Variants in ERLEC1 observed in about 807,000 individuals in gnomAD.
ERLEC1 encodes the protein ER lectin.
A neutral mutation model predicts 68.0 loss-of-function variants in ERLEC1; 47 were observed. The ratio of observed to expected loss-of-function variants is 0.69; its 90% CI spans 0.55 to 0.88. The LOEUF (loss-of-function observed/expected upper bound fraction) is 0.88, where lower values mean the gene tolerates loss of function less well. Among genes scored for constraint, ERLEC1 ranks in the 40% least tolerant of loss-of-function variants. ERLEC1 has a pLI of 0.00. For synonymous variants in ERLEC1, 225 were observed against 203.2 expected (o/e 1.11, Z -0.91); for missense variants, 567 against 583.8 (o/e 0.97, Z 0.30).
chr2:53,803,262 G>A (rs1247437577), intron 8 of ERLEC1, among the ~76,000 whole-genome samples: 1 of 152,252 alleles, frequency 6.6e-6, no homozygotes, highest in East Asian at 1.9e-4. Flanking sequence ...GACCAACACT[G>A]TCATTCTGAT....
At chr2:53,813,107 T>C (rs771761312) in intron 11 of ERLEC1, 34 bp downstream of exon 11, 5 of 1,584,600 alleles carry the variant, frequency 3.2e-6, no homozygotes, top group Non-Finnish European at 4.3e-6. Flanking sequence ...TTGGAGCTAA[T>C]TACTACAATT....
chr2:53,814,621 G>T lies in ERLEC1; in HGVS notation c.1304+1G>T, dbSNP rs764103928. ...CAAGACAGGTGACTGTAAAACTAAA[G>T]TAAGTTAGACCATCAAATCATGCTG... On this transcript the variant is annotated splice_donor_variant, in intron 12 of 13. Transcript: ENST00000185150. LOFTEE classifies it high-confidence loss of function. The T allele has an allele frequency of 2.5e-6, 4 of 1,605,934 alleles. No individual in the cohort carries two copies. Among genetic ancestry groups the T allele is most frequent in the Non-Finnish European group, 3.4e-6 (4 of 1,173,848 alleles).
chr2:53,791,012 C>A (rs925424041), intron 1 of ERLEC1, among the ~76,000 whole-genome samples: 2 of 152,154 alleles, frequency 1.3e-5, no homozygotes, highest in Non-Finnish European at 2.9e-5. Flanking sequence ...ATATATTTTA[C>A]TCAGATTTTC....
In ERLEC1 at chr2:53,797,908, T is replaced by A. The variant is rs1675801151; in HGVS notation, c.490+113T>A. ...GGACATTGTGTGAATTTTAAAATACTGAAATAGGCTGGGCGCGGTGGCTGA... is the reference window on the plus strand; with the variant it reads ...GGACATTGTGTGAATTTTAAAATACAGAAATAGGCTGGGCGCGGTGGCTGA... On this transcript the variant is annotated intron_variant, in intron 5 of 13. Transcript: ENST00000185150. 7 of 975,380 alleles carry A rather than the reference T, an allele frequency of 7.2e-6. No individual in the cohort carries two copies. In the East Asian group the frequency reaches 1.5e-4, roughly 20 times the overall value. 60.4% of individuals were successfully genotyped at this position (975,380 alleles called of 1,614,324 possible). A position where few individuals can be genotyped will look rare whatever the true frequency, so the allele number is the denominator to read the frequency against.
intron 11 of ERLEC1, among the ~76,000 whole-genome samples, chr2:53,813,808 C>CTT (rs1352586575): frequency 2.7e-5 from 4 of 149,534 alleles, no homozygotes; most frequent in Admixed American, 6.7e-5. Context: ...TTTTTTAATA[C>CTT]TTTAAGTTTT....
At chr2:53,807,411 C>CA (rs563937168) in intron 8 of ERLEC1, among the ~76,000 whole-genome samples, 1 of 151,410 alleles carries the variant, frequency 6.6e-6, no homozygotes, top group Non-Finnish European at 1.5e-5. Context: ...CCCTTACTGC[C>CA]TTTTTTTTCT....
chr2:53,810,521 T>A (rs1676535554), intron 10 of ERLEC1, among the ~76,000 whole-genome samples: 1 of 152,236 alleles, frequency 6.6e-6, no homozygotes, highest in East Asian at 1.9e-4. Flanking sequence ...CTGCTAGGTA[T>A]TGAAGACAAG....
chr2:53,815,141 G>A (rs1052122637), intron 13 of ERLEC1, among the ~76,000 whole-genome samples: 1 of 151,590 alleles, frequency 6.6e-6, no homozygotes, highest in African/African-American at 2.4e-5. Flanking sequence ...GAGTAACTGG[G>A]ATTACAGGCG....
At chr2:53,813,193 A>G (rs1176741826) in intron 11 of ERLEC1, 120 bp downstream of exon 11, 1 of 1,226,154 alleles carries the variant, frequency 8.2e-7, no homozygotes, top group South Asian at 1.4e-5. Context: ...TTTTCAAGGG[A>G]TATCTTTTAG....
At position 53,812,949 on chromosome 2, in the gene ERLEC1, G is replaced by A; in HGVS notation, c.1102G>A (p.Asp368Asn). ...ATCACAAATTTTTTTCCCATATTAGGACAAGGATAGTGGGAAAACCTCTGT... is the reference window on the plus strand; with the variant it reads ...ATCACAAATTTTTTTCCCATATTAGAACAAGGATAGTGGGAAAACCTCTGT... ...YGKHVHQYHE[D>N]KDSGKTSVVV... Residue 368 changes from aspartate (D) to asparagine (N), a missense_variant and splice_region_variant, in exon 11 of 14, where the codon GAC becomes AAC. Asp to Asn is a conservative substitution (Grantham distance 23, BLOSUM62 1). Coordinates refer to ENST00000185150, the MANE Select transcript of ERLEC1 (RefSeq NM_015701.5). 2 of 1,607,718 alleles carry A rather than the reference G, an allele frequency of 1.2e-6. No individual in the cohort carries two copies. Among genetic ancestry groups the A allele is most frequent in the Non-Finnish European group, 1.7e-6 (2 of 1,178,738 alleles).
chr2:53,815,033 G>C (rs1676803925), intron 13 of ERLEC1, 98 bp downstream of exon 13: 15 of 698,314 alleles, frequency 2.1e-5, no homozygotes, highest in Non-Finnish European at 3.1e-5. Context: ...TTGAGACGGA[G>C]TCTTGCTCTG....
chr2:53,793,803 C>A (rs1236813351), intron 1 of ERLEC1, among the ~76,000 whole-genome samples: 1 of 152,048 alleles, frequency 6.6e-6, no homozygotes, highest in East Asian at 1.9e-4. Flanking sequence ...TATTATGACA[C>A]AGGATAAAGT....
chr2:53,794,390 A>G lies in ERLEC1; in HGVS notation c.208A>G (p.Thr70Ala), dbSNP rs1334012912. The G allele has an allele frequency of 6.3e-7, 1 of 1,590,584 alleles. No individual in the cohort carries two copies. Among genetic ancestry groups the G allele is most frequent in the South Asian group, 1.1e-5 (1 of 87,180 alleles). ...TAAAGAAGATAATTATGTCATCATG[A>G]CAACTGCACATAAAGAAAAATATAA... ...LYKEDNYVIMTTAHKEKYKCI... is the reference protein window; with the variant it reads ...LYKEDNYVIMATAHKEKYKCI... Residue 70 changes from threonine to alanine, a missense_variant, in exon 2 of 14, where the codon ACA (threonine) becomes GCA (alanine). Physicochemically the swap from Thr to Ala is moderately conservative, Grantham distance 58 (BLOSUM62 0). Coordinates refer to ENST00000185150, the MANE Select transcript of ERLEC1 (RefSeq NM_015701.5).
At chr2:53,794,484 C>A in intron 2 of ERLEC1, 35 bp downstream of exon 2, 1 of 963,822 alleles carries the variant, frequency 1.0e-6, no homozygotes, top group South Asian at 1.5e-5. Flanking sequence ...AATCCTGTCA[C>A]CAAAAATATT....
chr2:53,797,612 A>G lies in ERLEC1; in HGVS notation c.426+20A>G, dbSNP rs1558595486. 3 of 1,599,662 alleles carry G rather than the reference A, an allele frequency of 1.9e-6. No individual in the cohort carries two copies. The highest frequency in any genetic ancestry group is 2.6e-6 in the Non-Finnish European group (3 of 1,171,242). On this transcript the variant is annotated intron_variant, in intron 4 of 13. Transcript: ENST00000185150. ...GGTCAGGTGTGTTTTTCTTCAAAAT[A>G]TTATTATGAAACATTATAAGATGAG...
At chr2:53,796,878 G>A (rs1573073649) in intron 3 of ERLEC1, among the ~76,000 whole-genome samples, 1 of 142,344 alleles carries the variant, frequency 7.0e-6, no homozygotes, top group Admixed American at 7.0e-5. Flanking sequence ...TCAAAATAAA[G>A]TTTTCTTTTT....
At chr2:53,814,443 G>A (rs1025593583) in intron 11 of ERLEC1, 100 bp from the exon 12 acceptor site, 3 of 697,902 alleles carry the variant, frequency 4.3e-6, no homozygotes, top group South Asian at 2.5e-5. Context: ...TTTAACTAAT[G>A]CAAAACTGAT....
chr2:53,810,434 G>A (rs553766299), intron 10 of ERLEC1, among the ~76,000 whole-genome samples: 4 of 152,176 alleles, frequency 2.6e-5, no homozygotes, highest in Admixed American at 2.6e-4. Flanking sequence ...CCATACTTGA[G>A]CCAGCCTGCT....
At chr2:53,793,822 A>G (rs1675543959) in intron 1 of ERLEC1, among the ~76,000 whole-genome samples, 2 of 152,044 alleles carry the variant, frequency 1.3e-5, no homozygotes, top group African/African-American at 4.8e-5. Context: ...GTTTATCTTC[A>G]TTTTGTAATT....
Sources: allele counts gnomAD v4.1 joint callset (sites outside exome capture counted in the v4.1 genomes callset), GRCh38; gene constraint gnomAD v4.1.1; transcripts MANE v1.5; gene names NCBI Gene and HGNC (gene_info 2026-07-23, HGNC 2026-07-21).